The following EML6 variants were observed in gnomAD, a reference collection of about 807,000 sequenced individuals.
EML6 encodes the protein EMAP like 6.
In EML6, 154 loss-of-function variants were observed where a neutral mutation model predicts 240.1. That is an observed-to-expected ratio of 0.64 (90% CI 0.56 to 0.73). The LOEUF is 0.73. EML6 is among the 30% of genes least tolerant of loss of function. The pLI, the probability that EML6 is intolerant of heterozygous loss-of-function variation, is 0.00. For synonymous variants in EML6, 1,148 were observed against 899.0 expected (o/e 1.28, Z -4.95); for missense variants, 2,964 against 2,474.6 (o/e 1.20, Z -4.20).
At chr2:54,806,612 C>CCAAAA (rs1670501266) in intron 2 of EML6, among the ~76,000 whole-genome samples, 1 of 52,822 alleles carries the variant, frequency 1.9e-5, no homozygotes, top group Non-Finnish European at 3.4e-5. Flanking sequence ...ACTCCGTCTC[C>CCAAAA]AAAAAAAAAA....
chr2:54,784,721 C>T (rs1357186118), intron 2 of EML6, among the ~76,000 whole-genome samples: 1 of 151,986 alleles, frequency 6.6e-6, no homozygotes, highest in African/African-American at 2.4e-5. Flanking sequence ...TTTTAAGTTC[C>T]AGGATACATG....
At chr2:54,806,612 CAAAAAAAAAAA>C (rs58185994) in intron 2 of EML6, among the ~76,000 whole-genome samples, 36 of 52,862 alleles carry the variant, frequency 6.8e-4, no homozygotes, top group East Asian at 2.7e-3. Context: ...ACTCCGTCTC[CAAAAAAAAAAA>C]AAAAAAAAAA....
chr2:54,802,588 A>G (rs1301184098), intron 2 of EML6, among the ~76,000 whole-genome samples: 11 of 151,816 alleles, frequency 7.2e-5, no homozygotes, highest in Non-Finnish European at 7.4e-5. Flanking sequence ...ACTGCACTTC[A>G]GCCTGGGCAA....
chr2:54,747,075 C>T (rs1350712700), intron 2 of EML6: 1 of 152,126 alleles, frequency 6.6e-6, no homozygotes, highest in Admixed American at 6.5e-5. Flanking sequence ...TGACCTTTTC[C>T]CTTGTGTTCA....
chr2:54,966,023 G>T (rs1447443361), intron 38 of EML6, among the ~76,000 whole-genome samples: 1 of 152,242 alleles, frequency 6.6e-6, no homozygotes, highest in Non-Finnish European at 1.5e-5. Flanking sequence ...ACAAGATGGA[G>T]CCAGTTAAGT....
At chr2:54,789,706 C>T (rs1050545829) in intron 2 of EML6, among the ~76,000 whole-genome samples, 12 of 152,094 alleles carry the variant, frequency 7.9e-5, no homozygotes, top group Admixed American at 5.9e-4. Context: ...ATTATATCCT[C>T]ATGATATCCA....
chr2:54,934,323 C>G (rs951699166), intron 28 of EML6, among the ~76,000 whole-genome samples: 2 of 152,064 alleles, frequency 1.3e-5, no homozygotes, highest in Non-Finnish European at 2.9e-5. Context: ...AAATTTGTAT[C>G]CTCCCGCCCT....
chr2:54,760,900 A>G (rs988532114), intron 2 of EML6, among the ~76,000 whole-genome samples: 16 of 150,426 alleles, frequency 1.1e-4, no homozygotes, highest in African/African-American at 3.5e-4. Flanking sequence ...TGTGTCTGGG[A>G]AATACAAACC....
intron 10 of EML6, among the ~76,000 whole-genome samples, chr2:54,853,283 T>A (rs531974451): frequency 2.4e-4 from 37 of 152,288 alleles, no homozygotes; most frequent in African/African-American, 6.0e-4. Flanking sequence ...ATTAAGTAAT[T>A]GTTAGTAGCT....
intron 2 of EML6, among the ~76,000 whole-genome samples, chr2:54,727,610 G>A (rs1682968242): frequency 6.6e-6 from 1 of 152,152 alleles, no homozygotes; most frequent in Admixed American, 6.5e-5. Context: ...GTTATTAAAT[G>A]GAGAGGACTA....
chr2:54,776,302 G>T (rs1243454038), intron 2 of EML6, among the ~76,000 whole-genome samples: 1 of 152,120 alleles, frequency 6.6e-6, no homozygotes, highest in Non-Finnish European at 1.5e-5. Context: ...CAAGAACTCT[G>T]TTAATCTAGG....
At chr2:54,924,916 T>G (rs1466264746) in intron 26 of EML6, among the ~76,000 whole-genome samples, 1 of 152,092 alleles carries the variant, frequency 6.6e-6, no homozygotes, top group Non-Finnish European at 1.5e-5. Flanking sequence ...CCCAAATACA[T>G]GAATCTCTTG....
At chr2:54,767,597 AGTGTGTGTGTGTGTGTGTGT>A (rs111232633) in intron 2 of EML6, among the ~76,000 whole-genome samples, 4 of 145,512 alleles carry the variant, frequency 2.7e-5, no homozygotes, top group Non-Finnish European at 6.0e-5. Flanking sequence ...TGGTATGAAG[AGTGTGTGTGTGTGTGTGTGT>A]GTGTGTGTGT....
chr2:54,939,250 C>T (rs1024484147), intron 28 of EML6, among the ~76,000 whole-genome samples: 1 of 152,240 alleles, frequency 6.6e-6, no homozygotes, highest in Non-Finnish European at 1.5e-5. Context: ...GCTCAGGCTG[C>T]AGCATTCTCC....
At chr2:54,744,960 A>ACACC (rs1553370073) in intron 2 of EML6, among the ~76,000 whole-genome samples, 172 of 88,320 alleles carry the variant, frequency 1.9e-3, no homozygotes, top group Non-Finnish European at 1.9e-3. Flanking sequence ...ACACACACAC[A>ACACC]CACCCTGCCA....
At chr2:54,823,870 CTCTCTCTTTCTG>C (rs1449702930) in intron 5 of EML6, among the ~76,000 whole-genome samples, 47 of 146,496 alleles carry the variant, frequency 3.2e-4, no homozygotes, top group African/African-American at 1.2e-3. Context: ...CTCTCTCTCT[CTCTCTCTTTCTG>C]TCTCTCTCTC....
At chr2:54,766,647 T>C (rs1262865306) in intron 2 of EML6, among the ~76,000 whole-genome samples, 1 of 152,140 alleles carries the variant, frequency 6.6e-6, no homozygotes, top group African/African-American at 2.4e-5. Flanking sequence ...AATTAACATA[T>C]ATCTTGTGGA....
At position 54,958,001 on chromosome 2, in the gene EML6, G is replaced by A. The variant is rs1676313156; in HGVS notation, c.4695+3G>A. On this transcript the variant is annotated splice_donor_region_variant and intron_variant, in intron 33 of 41. Transcript: ENST00000356458. ...TGCTCTCCGTGGCCTTCGGTGCTGT[G>A]AGTTCTAGCAGATACTCCCTGAGAA... 2 of 1,548,424 alleles carry A rather than the reference G, an allele frequency of 1.3e-6. No individual in the cohort carries two copies. Among genetic ancestry groups the A allele is most frequent in the Admixed American group, 2.0e-5 (1 of 50,900 alleles).
chr2:54,940,098 C>T (rs1675353183), intron 28 of EML6, among the ~76,000 whole-genome samples: 1 of 152,120 alleles, frequency 6.6e-6, no homozygotes, highest in Non-Finnish European at 1.5e-5. Context: ...GTTTCTAAGC[C>T]TTTTATAAAT....
Sources: gnomAD v4.1 joint callset for allele counts (sites outside exome capture counted in the v4.1 genomes callset) on GRCh38, gnomAD v4.1.1 for gene constraint, MANE v1.5 for transcripts, NCBI Gene and HGNC (gene_info 2026-07-23, HGNC 2026-07-21) for gene names.